Variants in BPIFB1 observed in about 807,000 individuals in gnomAD.
BPIFB1 encodes the protein BPI fold-containing family B member 1.
Under a neutral mutation model 55.1 loss-of-function variants are expected in BPIFB1, and 34 were observed. That is an observed-to-expected ratio of 0.62 (90% CI 0.47 to 0.82). The LOEUF (loss-of-function observed/expected upper bound fraction) is 0.82, where lower values mean the gene tolerates loss of function less well. Among genes scored for constraint, BPIFB1 ranks in the 40% least tolerant of loss-of-function variants. BPIFB1 has a pLI of 0.00. For synonymous variants in BPIFB1, 236 were observed against 245.3 expected, an observed-to-expected ratio of 0.96 and a Z score of 0.35; for missense variants, 532 against 593.1, an observed-to-expected ratio of 0.90 and a Z score of 1.07.
chr20:33,286,821 C>A (rs1980281076), intron 2 of BPIFB1, among the ~76,000 whole-genome samples: 1 of 152,250 alleles, frequency 6.6e-6, no homozygotes, highest in Non-Finnish European at 1.5e-5. Flanking sequence ...GCATCCCTAA[C>A]CCAACTGTGA....
At chr20:33,308,463 C>T (rs560457682) in intron 15 of BPIFB1, among the ~76,000 whole-genome samples, 22 of 151,402 alleles carry the variant, frequency 1.5e-4, no homozygotes, top group South Asian at 4.2e-4. Context: ...CACACACACA[C>T]GCACACCTTT....
Position 33,301,266 on chromosome 20 carries a change from A to T in BPIFB1, c.781A>T (p.Lys261Ter), listed in dbSNP as rs1476182929. Residue 261 changes from lysine (K) to a stop codon, truncating the protein, a stop_gained, in exon 9 of 16, where the codon AAG becomes TAG. Transcript: ENST00000253354. LOFTEE classifies it high-confidence loss of function. ...GTTGGACTCACAGGGAAAGGTGACC[A>T]AGTGGTTCAATAACTCTGCAGCTTC... The part of the protein sequence containing the change: ...KLLDSQGKVT[K>*]WFNNSAASLT... The T allele has an allele frequency of 1.2e-6, 2 of 1,614,108 alleles. No individual in the cohort carries two copies. Among genetic ancestry groups the T allele is most frequent in the Non-Finnish European group, 1.7e-6 (2 of 1,180,040 alleles).
At chr20:33,292,918 T>G (rs954978933) in intron 6 of BPIFB1, among the ~76,000 whole-genome samples, 4 of 152,232 alleles carry the variant, frequency 2.6e-5, no homozygotes, top group African/African-American at 9.6e-5. Flanking sequence ...TTCTTTGATT[T>G]TTGTTTTTGT....
chr20:33,285,943 A>G, intron 1 of BPIFB1, 90 bp from the exon 2 acceptor site: 2 of 751,896 alleles, frequency 2.7e-6, no homozygotes, highest in Non-Finnish European at 4.5e-6. Context: ...TGCACTCAAC[A>G]GCCTCTCCTG....
chr20:33,302,395 G>C lies in BPIFB1; in HGVS notation c.964G>C (p.Gly322Arg), dbSNP rs140281468. 6.2e-7 allele frequency: 1 copy of C among 1,613,726 alleles called. No homozygotes were observed. Among genetic ancestry groups the C allele is most frequent in the African/African-American group, 1.3e-5 (1 of 74,816 alleles). The change falls in exon 10 of 16, where the codon GGG becomes CGG. Residue 322 changes from glycine to arginine, a missense_variant. Transcript: ENST00000253354. ...TGCCCATCGGCTGAAGTCAAGCATCGGGCTGATCAATGAAAAGGTTGGTCT... is the reference window on the plus strand; with the variant it reads ...TGCCCATCGGCTGAAGTCAAGCATCCGGCTGATCAATGAAAAGGTTGGTCT... ...ESAHRLKSSI[G>R]LINEKAADKL... is the part of the protein sequence containing the mutation.
At chr20:33,288,641 C>A in intron 2 of BPIFB1, 100 bp from the exon 3 acceptor site, 1 of 1,428,902 alleles carries the variant, frequency 7.0e-7, no homozygotes, top group Non-Finnish European at 9.6e-7. Flanking sequence ...CGCCTTACCT[C>A]AGGGAGCCTC....
chr20:33,308,936 A>C (rs543557053), intron 15 of BPIFB1, among the ~76,000 whole-genome samples: 5 of 148,840 alleles, frequency 3.4e-5, no homozygotes, highest in African/African-American at 1.2e-4. Context: ...ATACACATAT[A>C]CACACATACA....
chr20:33,296,622 C>T (rs1006124062), intron 6 of BPIFB1, among the ~76,000 whole-genome samples: 1 of 152,196 alleles, frequency 6.6e-6, no homozygotes, highest in Non-Finnish European at 1.5e-5. Context: ...TGTTTAGCTG[C>T]ATCCCTGGCC....
chr20:33,304,073 C>A (rs201293084), intron 12 of BPIFB1, 48 bp downstream of exon 12: 74 of 1,541,772 alleles, frequency 4.8e-5, no homozygotes, highest in Non-Finnish European at 6.5e-5. Flanking sequence ...AAATGAGTCC[C>A]GCCTGGTAAC....
chr20:33,304,002 T>C lies in BPIFB1; in HGVS notation c.1185T>C (p.Leu395=). ...EAQFYTKGDQ[L]ILNLNNISSD... is the part of the protein sequence containing the mutation. ...AGTTTTACACCAAAGGTGACCAACT[T>C]ATACTCAACTTGAATAACATCAGGT... Residue 395 remains leucine, a synonymous_variant, in exon 12 of 16, where the codon CTT becomes CTC. Coordinates refer to ENST00000253354, the MANE Select transcript of BPIFB1 (RefSeq NM_033197.3). 6.2e-7 allele frequency: 1 copy of C among 1,613,478 alleles called. No homozygotes were observed. The highest frequency in any genetic ancestry group is 1.3e-5 in the African/African-American group (1 of 75,002).
rs749500146 is a variant in BPIFB1, at chr20:33,302,394, C to T, written c.963C>T (p.Ile321=). 6 of 1,613,924 alleles carry T rather than the reference C, an allele frequency of 3.7e-6. No homozygotes were observed. Among genetic ancestry groups the T allele is most frequent in the African/African-American group, 1.3e-5 (1 of 74,976 alleles). The change falls in exon 10 of 16, where the codon ATC becomes ATT. Residue 321 remains isoleucine, a synonymous_variant. Coordinates refer to ENST00000253354, the MANE Select transcript of BPIFB1 (RefSeq NM_033197.3). ...GTGCCCATCGGCTGAAGTCAAGCATCGGGCTGATCAATGAAAAGGTTGGTC... is the reference window on the plus strand; with the variant it reads ...GTGCCCATCGGCTGAAGTCAAGCATTGGGCTGATCAATGAAAAGGTTGGTC... ...PESAHRLKSS[I]GLINEKAADK...
chr20:33,290,893 C>A (rs1411065834), intron 4 of BPIFB1, 64 bp from the exon 5 acceptor site: 32 of 1,567,376 alleles, frequency 2.0e-5, no homozygotes, highest in Non-Finnish European at 2.7e-5. Context: ...CAGAGACGGA[C>A]GGCAGGGTTG....
At chr20:33,304,128 C>T (rs762002082) in intron 12 of BPIFB1, 103 bp downstream of exon 12, 30 of 1,043,046 alleles carry the variant, frequency 2.9e-5, no homozygotes, top group South Asian at 4.2e-5. Context: ...CAGGTGAAGG[C>T]GGCTCCAGGG....
In BPIFB1 at chr20:33,286,085, G is replaced by A. The variant is rs34388907; in HGVS notation, c.12G>A (p.Pro4=). ...TGACACCTGGGAAGATGGCCGGCCCGTGGACCTTCACCCTTCTCTGTGGTT... is the reference window on the plus strand; with the variant it reads ...TGACACCTGGGAAGATGGCCGGCCCATGGACCTTCACCCTTCTCTGTGGTT... MAG[P]WTFTLLCGLL... is the part of the protein sequence containing the mutation. The change falls in exon 2 of 16, where the codon CCG becomes CCA. Residue 4 remains proline (P), a synonymous_variant. Coordinates refer to ENST00000253354, the MANE Select transcript of BPIFB1 (RefSeq NM_033197.3). 711 of 1,614,126 alleles carry A rather than the reference G, an allele frequency of 4.4e-4. 2 individuals carry two copies. The African/African-American group carries it at 6.9e-3, about 16-fold the overall frequency.
intron 11 of BPIFB1, 122 bp from the exon 12 acceptor site, chr20:33,303,836 C>T: frequency 2.1e-6 from 2 of 946,146 alleles, no homozygotes; most frequent in Non-Finnish European, 3.3e-6. Flanking sequence ...AGAGGTCAAA[C>T]CCTTTGCCAA....
chr20:33,301,109 TA>T, intron 8 of BPIFB1, 123 bp from the exon 9 acceptor site: 1 of 968,870 alleles, frequency 1.0e-6, no homozygotes. Context: ...AGCTCCAGGC[TA>T]AGCTTCCTGG....
chr20:33,289,390 A>G (rs367715128), intron 3 of BPIFB1, among the ~76,000 whole-genome samples: 1 of 140,350 alleles, frequency 7.1e-6, no homozygotes, highest in African/African-American at 3.2e-5. Context: ...TCAAAAAAAA[A>G]AAAACAAAAA....
At chr20:33,286,286 G>A in intron 2 of BPIFB1, 98 bp downstream of exon 2, 1 of 1,043,416 alleles carries the variant, frequency 9.6e-7, no homozygotes, top group Non-Finnish European at 1.4e-6. Flanking sequence ...CGGGGGATGT[G>A]CATGGCTGAG....
intron 4 of BPIFB1, 129 bp from the exon 5 acceptor site, chr20:33,290,828 G>A: frequency 2.0e-6 from 2 of 996,574 alleles, no homozygotes; most frequent in Non-Finnish European, 2.9e-6. Context: ...GAAGTTGGGT[G>A]AAGATGAGGA....
Sources: gnomAD v4.1 joint callset for allele counts (sites outside exome capture counted in the v4.1 genomes callset) on GRCh38, gnomAD v4.1.1 for gene constraint, MANE v1.5 for transcripts, NCBI Gene and HGNC (gene_info 2026-07-23, HGNC 2026-07-21) for gene names.